The following SLC24A2 variants were observed in gnomAD, a reference collection of about 807,000 sequenced individuals.
The protein encoded by SLC24A2 is solute carrier family 24 member 2, also known as sodium/potassium/calcium exchanger 2.
Under a neutral mutation model 62.0 loss-of-function variants are expected in SLC24A2, and 36 were observed. The ratio of observed to expected loss-of-function variants is 0.58; its 90% CI spans 0.44 to 0.77. The LOEUF is 0.77. SLC24A2 is among the 30% of genes least tolerant of loss of function. The pLI, the probability that SLC24A2 is intolerant of heterozygous loss-of-function variation, is 0.00. For missense variants in SLC24A2, 846 were observed against 817.9 expected (o/e 1.03, Z -0.42); for synonymous variants, 358 against 294.0 (o/e 1.22, Z -2.23).
At chr9:19,965,941 C>T in the SLC24A2 span, among the ~76,000 whole-genome samples, 73 of 152,226 alleles carry the variant, frequency 4.8e-4, no homozygotes, top group African/African-American at 1.6e-3. Context: ...CTCATTGGCT[C>T]GGCATGAAAT....
chr9:19,688,234 G>C (rs1035455472), intron 2 of SLC24A2, among the ~76,000 whole-genome samples: 1 of 152,136 alleles, frequency 6.6e-6, no homozygotes, highest in African/African-American at 2.4e-5. Context: ...AACAGGACTT[G>C]ATAATCCTGG....
intron 2 of SLC24A2, among the ~76,000 whole-genome samples, chr9:19,655,407 C>A (rs10757085): frequency 0.4 from 60,543 of 151,998 alleles, 12,693 homozygotes; most frequent in East Asian, 0.68. Flanking sequence ...GACTTTCACA[C>A]CATCTTCACA....
chr9:20,277,318 A>AT, the SLC24A2 span, among the ~76,000 whole-genome samples: 10 of 151,892 alleles, frequency 6.6e-5, no homozygotes, highest in African/African-American at 2.2e-4. Flanking sequence ...ATGGGAGAAA[A>AT]TTTTTACAAT....
the SLC24A2 span, among the ~76,000 whole-genome samples, chr9:20,150,475 G>A: frequency 4.0e-5 from 6 of 151,856 alleles, no homozygotes; most frequent in Non-Finnish European, 1.5e-5. Flanking sequence ...TTATAAGACA[G>A]GTAGTCTCAT....
At chr9:19,988,867 A>G in the SLC24A2 span, among the ~76,000 whole-genome samples, 1 of 152,208 alleles carries the variant, frequency 6.6e-6, no homozygotes, top group African/African-American at 2.4e-5. Flanking sequence ...CTAGGAGGAC[A>G]TAAAACATAA....
chr9:19,565,326 C>G (rs1393334234), intron 7 of SLC24A2, among the ~76,000 whole-genome samples: 7 of 119,212 alleles, frequency 5.9e-5, no homozygotes, highest in Non-Finnish European at 1.3e-4. Context: ...CAACAACAGA[C>G]AAACAGAGAG....
chr9:19,912,397 G>T, the SLC24A2 span, among the ~76,000 whole-genome samples: 4 of 152,074 alleles, frequency 2.6e-5, no homozygotes, highest in Non-Finnish European at 5.9e-5. Context: ...TATCCCATTG[G>T]CAGGGATTTA....
In SLC24A2 at chr9:19,514,946, T is replaced by C. The variant is rs1399824315; in HGVS notation, c.*1207A>G. ...GATTTCTTCAGACACTAAAGCCCTTTATGACTACACTGGAAAACGTTTTAA... is the reference window on the plus strand; with the variant it reads ...GATTTCTTCAGACACTAAAGCCCTTCATGACTACACTGGAAAACGTTTTAA... On this transcript the variant is annotated 3_prime_UTR_variant, in exon 11 of 11. Transcript: ENST00000341998. 2 of 152,204 alleles carry C rather than the reference T, an allele frequency of 1.3e-5. No individual in the cohort carries two copies. Among genetic ancestry groups the C allele is most frequent in the Non-Finnish European group, 2.9e-5 (2 of 68,044 alleles). The allele number at this position is 152,204 out of a possible 1,614,324, so 9.4% of individuals were successfully genotyped here.
intron 2 of SLC24A2, among the ~76,000 whole-genome samples, chr9:19,718,197 G>A (rs1210137625): frequency 1.3e-5 from 2 of 150,038 alleles, no homozygotes; most frequent in African/African-American, 4.9e-5. Flanking sequence ...GGCTGGTGTC[G>A]AACTGCTGAC....
chr9:19,874,846 T>C, the SLC24A2 span, among the ~76,000 whole-genome samples: 4 of 152,216 alleles, frequency 2.6e-5, no homozygotes, highest in East Asian at 3.9e-4. Context: ...AGCAGAGGTA[T>C]TGTTCTTCAA....
At chr9:19,869,807 A>G in the SLC24A2 span, among the ~76,000 whole-genome samples, 2 of 152,146 alleles carry the variant, frequency 1.3e-5, no homozygotes, top group East Asian at 3.8e-4. Flanking sequence ...ATCTTTGTGG[A>G]TCTTTTGTAT....
the SLC24A2 span, among the ~76,000 whole-genome samples, chr9:19,863,771 AC>A: frequency 6.6e-6 from 1 of 151,904 alleles, no homozygotes; most frequent in African/African-American, 2.4e-5. Context: ...CAAATAAACA[AC>A]CTGATGGTGT....
chr9:19,944,609 C>G, the SLC24A2 span, among the ~76,000 whole-genome samples: 1 of 152,122 alleles, frequency 6.6e-6, no homozygotes, highest in South Asian at 2.1e-4. Flanking sequence ...GACGTAAACG[C>G]CATTTTCCAC....
Position 19,652,559 on chromosome 9 carries a change from T to C in SLC24A2, c.931-30260A>G, listed in dbSNP as rs538127283. Among the ~76,000 whole-genome samples, 13 of 152,224 alleles carry C rather than the reference T, an allele frequency of 8.5e-5. 1 individual carries two copies. In the South Asian group the frequency reaches 1.9e-3, roughly 22 times the overall value. On this transcript the variant is annotated intron_variant, in intron 2 of 10. Transcript: ENST00000341998. ...ACCAAGGAATGCAGCTCAATCTCAC[T>C]AGAAGATTGAAGAGGCAAAGAGACA...
intron 8 of SLC24A2, among the ~76,000 whole-genome samples, chr9:19,547,511 C>CT (rs1032796892): frequency 2.6e-5 from 4 of 151,938 alleles, no homozygotes; most frequent in African/African-American, 9.7e-5. Flanking sequence ...AGCTTTTGAT[C>CT]TTCCCTAACA....
the SLC24A2 span, among the ~76,000 whole-genome samples, chr9:20,305,640 T>C: frequency 5.3e-5 from 8 of 152,210 alleles, no homozygotes; most frequent in Non-Finnish European, 8.8e-5. Flanking sequence ...ATGCTAAGTA[T>C]TTCACATACG....
At chr9:19,525,108 AAAT>A (rs1833372593) in intron 9 of SLC24A2, among the ~76,000 whole-genome samples, 1 of 152,198 alleles carries the variant, frequency 6.6e-6, no homozygotes. Context: ...TGAGTGTATA[AAAT>A]AATGACTCCA....
chr9:20,081,618 T>G, the SLC24A2 span, among the ~76,000 whole-genome samples: 2 of 151,784 alleles, frequency 1.3e-5, no homozygotes, highest in African/African-American at 4.8e-5. Context: ...ACCCTAAAAT[T>G]TAAAGTATAA....
the SLC24A2 span, among the ~76,000 whole-genome samples, chr9:19,890,086 T>G: frequency 1.3e-5 from 2 of 152,186 alleles, no homozygotes; most frequent in African/African-American, 4.8e-5. Context: ...CAAACCCCAG[T>G]AAGTTGCACA....
Sources: gnomAD v4.1 joint callset for allele counts (sites outside exome capture counted in the v4.1 genomes callset) on GRCh38, gnomAD v4.1.1 for gene constraint, MANE v1.5 for transcripts, NCBI Gene and HGNC (gene_info 2026-07-23, HGNC 2026-07-21) for gene names.